The following EIF2S3 variants were observed in gnomAD, a reference collection of about 807,000 sequenced individuals.
EIF2S3 encodes the protein eukaryotic translation initiation factor 2 subunit 3.
A neutral mutation model predicts 31.7 loss-of-function variants in EIF2S3; 2 were observed. That is an observed-to-expected ratio of 0.06 (90% confidence interval 0.03 to 0.20). The LOEUF is 0.20. Ranked by LOEUF, EIF2S3 falls within the 10% of genes least tolerant of loss-of-function variation. The pLI, the probability that EIF2S3 is intolerant of heterozygous loss-of-function variation, is 1.00. For missense variants in EIF2S3, 96 were observed against 359.3 expected (o/e 0.27, Z 5.92); for synonymous variants, 120 against 126.7 (o/e 0.95, Z 0.36).
At chrX:24,070,136 G>A (rs1930643006) in intron 9 of EIF2S3, among the ~76,000 whole-genome samples, 1 of 107,861 alleles carries the variant, frequency 9.3e-6, no homozygotes, top group African/African-American at 3.4e-5. Context: ...GGGAGGCCGA[G>A]GTGGACGGAT....
chrX:24,075,013 C>T (rs980435298), intron 11 of EIF2S3, among the ~76,000 whole-genome samples: 74 of 107,724 alleles, frequency 6.9e-4, no homozygotes, highest in African/African-American at 2.3e-3. Flanking sequence ...TACAGGCACA[C>T]GCCACCACAC....
intron 9 of EIF2S3, 95 bp from the exon 10 acceptor site, chrX:24,071,463 T>TTGGCTCCC: frequency 1.0e-6 from 1 of 956,331 alleles, no homozygotes; most frequent in Non-Finnish European, 1.4e-6. Context: ...GTGCTGGGAT[T>TTGGCTCCC]ACAGGTGTGA....
At position 24,064,344 on chromosome X, in the gene EIF2S3, T is replaced by C; in HGVS notation, c.772+9T>C. 1 of 1,164,985 alleles carries C rather than the reference T, an allele frequency of 8.6e-7. No homozygotes were observed. The highest frequency in any genetic ancestry group is 1.1e-6 in the Non-Finnish European group (1 of 876,444). The stretch of plus-strand genomic sequence containing the variant: ...AGAGCCCCGGCTTATTGGTAAGTGA[T>C]AGGATTTGCCTTTAACTCTTAATCT... On this transcript the variant is annotated intron_variant, in intron 7 of 11. Coordinates refer to ENST00000253039, the MANE Select transcript of EIF2S3 (RefSeq NM_001415.4).
intron 10 of EIF2S3, among the ~76,000 whole-genome samples, chrX:24,071,944 C>T (rs781361200): frequency 6.5e-5 from 7 of 108,429 alleles, no homozygotes; most frequent in South Asian, 4.1e-4. Context: ...GGCGCGATCT[C>T]GGCTCACGGC....
At chrX:24,058,156 T>C (rs1930431616) in intron 4 of EIF2S3, among the ~76,000 whole-genome samples, 1 of 111,858 alleles carries the variant, frequency 8.9e-6, no homozygotes, top group South Asian at 3.7e-4. Flanking sequence ...TACCTGTTTT[T>C]TTATCAGGAT....
intron 11 of EIF2S3, 84 bp from the exon 12 acceptor site, chrX:24,076,634 TAAGC>T: frequency 1.1e-6 from 1 of 920,144 alleles, no homozygotes; most frequent in Middle Eastern, 2.7e-4. Flanking sequence ...ATTCAGAAGA[TAAGC>T]AGGTAAAATT....
At chrX:24,059,822 C>T (rs1930464470) in intron 4 of EIF2S3, among the ~76,000 whole-genome samples, 1 of 111,910 alleles carries the variant, frequency 8.9e-6, no homozygotes, top group South Asian at 3.6e-4. Flanking sequence ...TATATACTCT[C>T]CACCATTATT....
chrX:24,066,523 C>CTTTTTTTTTTTTTTTTTTTT (rs113989989), intron 8 of EIF2S3, among the ~76,000 whole-genome samples: 1 of 94,336 alleles, frequency 1.1e-5, no homozygotes. Flanking sequence ...CTTTTCTTTT[C>CTTTTTTTTTTTTTTTTTTTT]TTTTTTTTTT....
rs753118639 is a variant in EIF2S3 at position 24,058,766 on chromosome X, G to A, written c.383+1012G>A. Reference sequence around the variant, plus strand: ...TCTTTCTGTGTCGCCAGACTGGAGTGCAGTGGTAGAGACGGGGTTTTACCA... The same window carrying A: ...TCTTTCTGTGTCGCCAGACTGGAGTACAGTGGTAGAGACGGGGTTTTACCA... On this transcript the variant is annotated intron_variant, in intron 4 of 11. Coordinates refer to ENST00000253039, the MANE Select transcript of EIF2S3 (RefSeq NM_001415.4). Among the ~76,000 whole-genome samples, 40 of 109,775 alleles carry A rather than the reference G, an allele frequency of 3.6e-4. No individual in the cohort carries two copies. In the East Asian group the frequency reaches 4.9e-3, roughly 13 times the overall value.
At chrX:24,059,211 A>G (rs1209702854) in intron 4 of EIF2S3, among the ~76,000 whole-genome samples, 1 of 112,018 alleles carries the variant, frequency 8.9e-6, no homozygotes, top group Admixed American at 9.5e-5. Context: ...AAACGTAGAC[A>G]ATACGTGTGT....
chrX:24,058,944 C>T (rs1930449418), intron 4 of EIF2S3, among the ~76,000 whole-genome samples: 2 of 109,554 alleles, frequency 1.8e-5, no homozygotes, highest in African/African-American at 3.3e-5. Flanking sequence ...AGGCTGGTCT[C>T]GAACTCCTGG....
chrX:24,063,519 C>G (rs1307666087), intron 6 of EIF2S3, among the ~76,000 whole-genome samples: 1 of 111,755 alleles, frequency 8.9e-6, no homozygotes, highest in Middle Eastern at 4.2e-3. Context: ...GTAGCTCACA[C>G]TTGTAATACC....
intron 3 of EIF2S3, 28 bp downstream of exon 3, chrX:24,057,576 C>G (rs376678844): frequency 5.8e-6 from 7 of 1,206,183 alleles, no homozygotes; most frequent in Admixed American, 2.2e-5. Context: ...GAACGAGAAA[C>G]TAACTTTAAT....
At chrX:24,059,846 A>G (rs1299082717) in intron 4 of EIF2S3, among the ~76,000 whole-genome samples, 1 of 111,714 alleles carries the variant, frequency 9.0e-6, no homozygotes, top group Non-Finnish European at 1.9e-5. Context: ...TACCATATTC[A>G]TTTTCATTGG....
chrX:24,059,838 C>A (rs1930464833), intron 4 of EIF2S3, among the ~76,000 whole-genome samples: 1 of 112,075 alleles, frequency 8.9e-6, no homozygotes, highest in South Asian at 3.6e-4. Flanking sequence ...TTATTCTATA[C>A]CATATTCATT....
chrX:24,062,386 T>A, intron 5 of EIF2S3, 30 bp from the exon 6 acceptor site: 1 of 1,177,118 alleles, frequency 8.5e-7, no homozygotes, highest in East Asian at 3.0e-5. Context: ...GCTATTCTTA[T>A]ATGCATCTTT....
chrX:24,060,074 T>G lies in EIF2S3; in HGVS notation c.384-14T>G, dbSNP rs187797166. On this transcript the variant is annotated splice_polypyrimidine_tract_variant and intron_variant, in intron 4 of 11. Transcript: ENST00000253039. Reference sequence around the variant, plus strand: ...GATTTATGTTAAGGCTGATTGTTATTTCTCAATCATTAGACATGTTTCCTT... The same window carrying G: ...GATTTATGTTAAGGCTGATTGTTATGTCTCAATCATTAGACATGTTTCCTT... 9 of 1,161,944 alleles carry G rather than the reference T, an allele frequency of 7.7e-6. No homozygotes were observed. Among genetic ancestry groups the G allele is most frequent in the Non-Finnish European group, 1.1e-5 (9 of 851,844 alleles).
intron 11 of EIF2S3, among the ~76,000 whole-genome samples, chrX:24,073,966 A>G (rs1194962120): frequency 1.8e-5 from 2 of 112,170 alleles, no homozygotes; most frequent in Non-Finnish European, 3.8e-5. Flanking sequence ...TGTAGGCTAT[A>G]TATGTTATGC....
At position 24,066,110 on chromosome X, in the gene EIF2S3, T is replaced by C. The variant is rs1269598236; in HGVS notation, c.867+18T>C. ...TATTAAAGGTAAAATGGGTTTTGGT[T>C]GTTGTGATTTTGGGTTTTTTTTTTT... On this transcript the variant is annotated intron_variant, in intron 8 of 11. Coordinates refer to ENST00000253039, the MANE Select transcript of EIF2S3 (RefSeq NM_001415.4). 3.7e-6 allele frequency: 4 copies of C among 1,075,540 alleles called. No individual in the cohort carries two copies. Among genetic ancestry groups the C allele is most frequent in the Non-Finnish European group, 4.9e-6 (4 of 815,234 alleles). The allele number at this position is 1,075,540 out of a possible 1,213,427, so 88.6% of individuals were successfully genotyped here. A position where few individuals can be genotyped will look rare whatever the true frequency, so the allele number is the denominator to read the frequency against.
Sources: allele counts gnomAD v4.1 joint callset (sites outside exome capture counted in the v4.1 genomes callset), GRCh38; gene constraint gnomAD v4.1.1; transcripts MANE v1.5; gene names NCBI Gene and HGNC (gene_info 2026-07-23, HGNC 2026-07-21).